Variants in UBE2E2 observed in about 807,000 individuals in gnomAD.
UBE2E2 encodes the protein ubiquitin conjugating enzyme E2 E2, also known as ubiquitin-conjugating enzyme E2 E2.
A neutral mutation model predicts 24.7 loss-of-function variants in UBE2E2; 6 were observed. The observed-to-expected ratio is 0.24, with a 90% CI of 0.13 to 0.48. The LOEUF is 0.48. Among genes scored for constraint, UBE2E2 ranks in the 20% least tolerant of loss-of-function variants. The pLI is 0.99. For missense variants in UBE2E2, 169 were observed against 245.0 expected (o/e 0.69, Z 2.07); for synonymous variants, 104 against 83.6 (o/e 1.24, Z -1.33).
intron 3 of UBE2E2, among the ~76,000 whole-genome samples, chr3:23,459,960 C>G (rs989375247): frequency 1.3e-5 from 2 of 152,238 alleles, no homozygotes; most frequent in East Asian, 3.9e-4. Flanking sequence ...GTATTTTTCC[C>G]CATTCCTTAA....
At chr3:23,367,885 G>A (rs1044564333) in intron 3 of UBE2E2, among the ~76,000 whole-genome samples, 5 of 152,148 alleles carry the variant, frequency 3.3e-5, no homozygotes, top group African/African-American at 1.2e-4. Context: ...GTCCACTGCA[G>A]AATTGATTGC....
In UBE2E2 at chr3:23,366,076, C is replaced by T. The variant is rs148358571; in HGVS notation, c.228-133532C>T. Among the ~76,000 whole-genome samples the T allele has an allele frequency of 5.0e-3, 755 of 152,194 alleles. 16 individuals are homozygous for T. The highest frequency in any genetic ancestry group is 5.4e-3 in the Non-Finnish European group (369 of 68,004). On this transcript the variant is annotated intron_variant, in intron 3 of 5. Coordinates refer to ENST00000396703, the MANE Select transcript of UBE2E2 (RefSeq NM_152653.4). ...GCTAGCAATTTGCAGTAGATTGAAACGAACCATTAGAGAAATGCAAATCAA... is the reference window on the plus strand; with the variant it reads ...GCTAGCAATTTGCAGTAGATTGAAATGAACCATTAGAGAAATGCAAATCAA...
At chr3:23,551,848 A>G (rs905480150) in intron 5 of UBE2E2, among the ~76,000 whole-genome samples, 6 of 152,186 alleles carry the variant, frequency 3.9e-5, no homozygotes, top group South Asian at 2.1e-4. Flanking sequence ...CCCAAAATTA[A>G]TATGTTGAAG....
chr3:23,461,906 T>C (rs1049260883), intron 3 of UBE2E2, among the ~76,000 whole-genome samples: 5 of 152,160 alleles, frequency 3.3e-5, no homozygotes, highest in African/African-American at 1.2e-4. Context: ...TGATGTGACA[T>C]TTATATTAAA....
At chr3:23,204,654 A>C (rs987181027) in intron 1 of UBE2E2, 1 of 977,598 alleles carries the variant, frequency 1.0e-6, no homozygotes, top group East Asian at 1.1e-4. Flanking sequence ...GTGTTTTCAT[A>C]TAATGCCATA....
At chr3:23,413,038 G>C (rs560426600) in intron 3 of UBE2E2, among the ~76,000 whole-genome samples, 1 of 137,818 alleles carries the variant, frequency 7.3e-6, no homozygotes, top group Admixed American at 7.6e-5. Context: ...ACACTCCGGG[G>C]ACAGTTTTGG....
At position 23,223,487 on chromosome 3, in the gene UBE2E2, G is replaced by A. The variant is rs369373917; in HGVS notation, c.227+6175G>A. On this transcript the variant is annotated intron_variant, in intron 3 of 5. Coordinates refer to ENST00000396703, the MANE Select transcript of UBE2E2 (RefSeq NM_152653.4). ...GTATTACAGGCGTGAGCTGCGCTTG[G>A]CCCTTTTGCCTGTTTTAAATTGGAT... Among the ~76,000 whole-genome samples, 36 of 152,030 alleles carry A rather than the reference G, an allele frequency of 2.4e-4. 2 individuals are homozygous for A. Among genetic ancestry groups the A allele is most frequent in the African/African-American group, 7.2e-4 (30 of 41,462 alleles).
At chr3:23,333,271 T>A (rs1392021038) in intron 3 of UBE2E2, among the ~76,000 whole-genome samples, 2 of 152,218 alleles carry the variant, frequency 1.3e-5, no homozygotes, top group Non-Finnish European at 2.9e-5. Flanking sequence ...TTCTTAAATT[T>A]CATACCCAGT....
At chr3:23,312,742 CAA>C (rs1337293459) in intron 3 of UBE2E2, among the ~76,000 whole-genome samples, 1 of 151,758 alleles carries the variant, frequency 6.6e-6, no homozygotes, top group Non-Finnish European at 1.5e-5. Context: ...TTGACGTAGG[CAA>C]AAAAGTACTG....
rs150970405 is a variant in UBE2E2 at position 23,504,912 on chromosome 3, C to CTTTTTTT, written c.360+5180_360+5186dup. Among the ~76,000 whole-genome samples, 4 of 95,072 alleles carry CTTTTTTT rather than the reference C, an allele frequency of 4.2e-5. 1 individual carries two copies. Among genetic ancestry groups the CTTTTTTT allele is most frequent in the African/African-American group, 1.9e-4 (4 of 21,562 alleles). 62.4% of individuals were successfully genotyped at this position (95,072 alleles called of 152,430 possible). A position where few individuals can be genotyped will look rare whatever the true frequency, so the allele number is the denominator to read the frequency against. ...AATGTTTCTGTTTCAGACATTCTTT[C>CTTTTTTT]TTTTTTTTTTTTTTGAGACAGGGTC... On this transcript the variant is annotated intron_variant, in intron 4 of 5. Coordinates refer to ENST00000396703, the MANE Select transcript of UBE2E2 (RefSeq NM_152653.4).
chr3:23,551,760 C>T (rs955038111), intron 5 of UBE2E2, among the ~76,000 whole-genome samples: 2 of 152,164 alleles, frequency 1.3e-5, no homozygotes, highest in African/African-American at 4.8e-5. Flanking sequence ...GGATGTAAAG[C>T]ATGGTTTGCT....
chr3:23,408,778 G>A (rs1157060939), intron 3 of UBE2E2, among the ~76,000 whole-genome samples: 2 of 152,016 alleles, frequency 1.3e-5, no homozygotes, highest in Non-Finnish European at 2.9e-5. Context: ...TTTAATTTTT[G>A]TTTCTTTTGG....
chr3:23,581,637 A>C (rs555761123), intron 5 of UBE2E2, among the ~76,000 whole-genome samples: 1 of 152,218 alleles, frequency 6.6e-6, no homozygotes, highest in South Asian at 2.1e-4. Flanking sequence ...TGGTGGAACT[A>C]AGTTAAAAAC....
At chr3:23,499,824 G>A in intron 4 of UBE2E2, 84 bp downstream of exon 4, 1 of 1,458,936 alleles carries the variant, frequency 6.9e-7, no homozygotes, top group African/African-American at 1.4e-5. Context: ...TGCATTCTAG[G>A]GATGCATGTC....
intron 3 of UBE2E2, among the ~76,000 whole-genome samples, chr3:23,283,835 C>T (rs1237529678): frequency 7.1e-6 from 1 of 140,582 alleles, no homozygotes; most frequent in Non-Finnish European, 1.6e-5. Flanking sequence ...GATTACCAGG[C>T]TCCATTTCAC....
intron 3 of UBE2E2, among the ~76,000 whole-genome samples, chr3:23,376,693 T>G (rs1187952851): frequency 2.0e-5 from 3 of 152,202 alleles, no homozygotes; most frequent in Admixed American, 6.5e-5. Flanking sequence ...CAGGCAAGGC[T>G]TCAGAGATTA....
At chr3:23,502,707 A>G (rs1299686781) in intron 4 of UBE2E2, among the ~76,000 whole-genome samples, 1 of 152,238 alleles carries the variant, frequency 6.6e-6, no homozygotes, top group African/African-American at 2.4e-5. Flanking sequence ...CTACCTGAGT[A>G]CATAATGTTA....
intron 5 of UBE2E2, among the ~76,000 whole-genome samples, chr3:23,547,186 G>T (rs1271140498): frequency 6.6e-6 from 1 of 152,166 alleles, no homozygotes; most frequent in Admixed American, 6.5e-5. Flanking sequence ...GAATAACTGT[G>T]TCAGGCTTTG....
At chr3:23,262,392 C>T in intron 3 of UBE2E2, among the ~76,000 whole-genome samples, 1 of 152,134 alleles carries the variant, frequency 6.6e-6, no homozygotes, top group African/African-American at 2.4e-5. Flanking sequence ...ATCATCTTGC[C>T]TCAGCCTCCC....
Sources: allele counts gnomAD v4.1 joint callset (sites outside exome capture counted in the v4.1 genomes callset), GRCh38; gene constraint gnomAD v4.1.1; transcripts MANE v1.5; gene names NCBI Gene and HGNC (gene_info 2026-07-23, HGNC 2026-07-21).